The following BAIAP3 variants were observed in gnomAD, a reference collection of about 807,000 sequenced individuals.
BAIAP3 encodes the protein BAI1-associated protein 3.
Under a neutral mutation model 149.7 loss-of-function variants are expected in BAIAP3, and 180 were observed. That is an observed-to-expected ratio of 1.20 (90% CI 1.07 to 1.36). The LOEUF (loss-of-function observed/expected upper bound fraction) is 1.36, where lower values mean the gene tolerates loss of function less well. Among genes scored for constraint, BAIAP3 ranks in the 40% most tolerant of loss-of-function variants. BAIAP3 has a pLI of 0.00. For missense variants in BAIAP3, 1,767 were observed against 1,563.4 expected (o/e 1.13, Z -2.20); for synonymous variants, 845 against 670.7 (o/e 1.26, Z -4.02).
chr16:1,345,981 C>T lies in BAIAP3; in HGVS notation c.2209-5C>T, dbSNP rs746000979. ...CATGGCTCCCCACCGCCATCCCCTC[C>T]TCAGGACGTGTGTGAGGCCACCCTC... is the stretch of plus-strand genomic sequence containing the variant. On this transcript the variant is annotated splice_region_variant and splice_polypyrimidine_tract_variant and intron_variant, in intron 23 of 33. Transcript: ENST00000426824. 1.5e-5 allele frequency: 24 copies of T among 1,603,854 alleles called. No homozygotes were observed. The highest frequency in any genetic ancestry group is 4.0e-5 in the African/African-American group (3 of 74,800).
At chr16:1,343,161 T>C (rs2034047518) in intron 14 of BAIAP3, 145 bp downstream of exon 14, 2 of 1,105,874 alleles carry the variant, frequency 1.8e-6, no homozygotes, top group Admixed American at 2.2e-5. Context: ...GCTGCGCTGA[T>C]TGGGCGGGAA....
rs2034235431 is a variant in BAIAP3 at position 1,345,248 on chromosome 16, G to A, written c.1941-1G>A. The A allele has an allele frequency of 6.2e-7, 1 of 1,612,624 alleles. No individual in the cohort carries two copies. The highest frequency in any genetic ancestry group is 1.3e-5 in the African/African-American group (1 of 74,870). Reference sequence around the variant, plus strand: ...GAGCCCTCACAACCCTCCCACCACAGGGACAGCCGCTCTCTGGCCCTGGCT... The same window carrying A: ...GAGCCCTCACAACCCTCCCACCACAAGGACAGCCGCTCTCTGGCCCTGGCT... On this transcript the variant is annotated splice_acceptor_variant, in intron 21 of 33. Transcript: ENST00000426824. LOFTEE classifies it high-confidence loss of function.
chr16:1,347,156 T>C (rs1194017115), intron 28 of BAIAP3, 142 bp from the exon 29 acceptor site: 1 of 965,664 alleles, frequency 1.0e-6, no homozygotes, highest in African/African-American at 1.7e-5. Flanking sequence ...GAGCTTCCGA[T>C]GCCCGCCAGG....
In BAIAP3 at chr16:1,348,802, C is replaced by CA; in HGVS notation, c.*320_*321insA. On this transcript the variant is annotated 3_prime_UTR_variant, in exon 34 of 34. Coordinates refer to ENST00000426824, the MANE Select transcript of BAIAP3 (RefSeq NM_001199097.2). ...TGCCCGCTTCCTTGGGCTCCCCGGC[C>CA]CTGGGTGGGCGGTGGGCAGCTGGTC... is the stretch of plus-strand genomic sequence containing the variant. The CA allele has an allele frequency of 2.1e-6, 1 of 481,658 alleles. No homozygotes were observed. Among genetic ancestry groups the CA allele is most frequent in the South Asian group, 2.5e-5 (1 of 39,560 alleles). The allele number at this position is 481,658 out of a possible 1,614,324, so 29.8% of individuals were successfully genotyped here. A position where few individuals can be genotyped will look rare whatever the true frequency, so the allele number is the denominator to read the frequency against.
chr16:1,346,427 T>C lies in BAIAP3; in HGVS notation c.2494-15T>C. 3 of 1,612,278 alleles carry C rather than the reference T, an allele frequency of 1.9e-6. No homozygotes were observed. Among genetic ancestry groups the C allele is most frequent in the Non-Finnish European group, 2.5e-6 (3 of 1,179,684 alleles). On this transcript the variant is annotated splice_polypyrimidine_tract_variant and intron_variant, in intron 25 of 33. Coordinates refer to ENST00000426824, the MANE Select transcript of BAIAP3 (RefSeq NM_001199097.2). ...GGTGCCCCCTGCCCGTGCTGAGCAC[T>C]GCTCCTGCCCTCAGATGGTGGGCGA... is the stretch of plus-strand genomic sequence containing the variant.
At chr16:1,341,516 G>A in intron 8 of BAIAP3, 27 bp downstream of exon 8, 2 of 1,591,608 alleles carry the variant, frequency 1.3e-6, no homozygotes, top group Non-Finnish European at 1.7e-6. Flanking sequence ...TCTGGGTGCG[G>A]GAGGGGGGCT....
intron 11 of BAIAP3, 74 bp from the exon 12 acceptor site, chr16:1,342,453 C>T (rs2033991210): frequency 3.4e-6 from 5 of 1,450,076 alleles, no homozygotes; most frequent in African/African-American, 1.4e-5. Context: ...TGTGGTCTCT[C>T]CAGGGTCTCA....
intron 10 of BAIAP3, 54 bp downstream of exon 10, chr16:1,342,117 G>C: frequency 6.4e-7 from 1 of 1,567,694 alleles, no homozygotes; most frequent in Non-Finnish European, 8.7e-7. Flanking sequence ...CTTGGTCATG[G>C]GGCCCGGCGG....
chr16:1,347,295 C>G lies in BAIAP3; in HGVS notation c.2752-3C>G. The G allele has an allele frequency of 6.2e-7, 1 of 1,613,044 alleles. No individual in the cohort carries two copies. Among genetic ancestry groups the G allele is most frequent in the Non-Finnish European group, 8.5e-7 (1 of 1,179,844 alleles). On this transcript the variant is annotated splice_region_variant and splice_polypyrimidine_tract_variant and intron_variant, in intron 28 of 33. Transcript: ENST00000426824. ...ACACCTCTGCCTTCTTTCCCTGCCC[C>G]AGGCCCTGGTCAGTTTTTTCCACGC...
At chr16:1,344,404 G>T in intron 17 of BAIAP3, 65 bp from the exon 18 acceptor site, 1 of 1,610,562 alleles carries the variant, frequency 6.2e-7, no homozygotes. Context: ...CTGCACCACG[G>T]TCTCTTGCCC....
At position 1,344,528 on chromosome 16, in the gene BAIAP3, G is replaced by A. The variant is rs550590270; in HGVS notation, c.1659+3G>A. On this transcript the variant is annotated splice_donor_region_variant and intron_variant, in intron 18 of 33. Coordinates refer to ENST00000426824, the MANE Select transcript of BAIAP3 (RefSeq NM_001199097.2). ...ATGACAAGAGTCCCCGAGAGCAGGTGCAGTTGTGGGGGACCCTGGCCATGA... is the reference window on the plus strand; with the variant it reads ...ATGACAAGAGTCCCCGAGAGCAGGTACAGTTGTGGGGGACCCTGGCCATGA... 6.2e-7 allele frequency: 1 copy of A among 1,612,948 alleles called. No homozygotes were observed. The highest frequency in any genetic ancestry group is 8.5e-7 in the Non-Finnish European group (1 of 1,179,946).
chr16:1,340,347 C>T (rs2033829527), intron 5 of BAIAP3, among the ~76,000 whole-genome samples: 1 of 147,192 alleles, frequency 6.8e-6, no homozygotes, highest in Admixed American at 6.8e-5. Context: ...CACACAGACA[C>T]ACGCACACAG....
chr16:1,344,585 C>T lies in BAIAP3; in HGVS notation c.1660-16C>T. ...CGGGCAGCCGAGAGGTGGGTACGAGCTAGGCTTCCTTGCAGCCAGGACCAC... is the reference window on the plus strand; with the variant it reads ...CGGGCAGCCGAGAGGTGGGTACGAGTTAGGCTTCCTTGCAGCCAGGACCAC... On this transcript the variant is annotated splice_polypyrimidine_tract_variant and intron_variant, in intron 18 of 33. Coordinates refer to ENST00000426824, the MANE Select transcript of BAIAP3 (RefSeq NM_001199097.2). 1 of 1,612,826 alleles carries T rather than the reference C, an allele frequency of 6.2e-7. No homozygotes were observed. The highest frequency in any genetic ancestry group is 1.3e-5 in the African/African-American group (1 of 75,044).
intron 5 of BAIAP3, among the ~76,000 whole-genome samples, chr16:1,340,188 GA>G (rs2033808445): frequency 1.4e-5 from 1 of 72,842 alleles, no homozygotes; most frequent in African/African-American, 6.2e-5. Context: ...GGTGCACACA[GA>G]CACACGCACA....
At position 1,345,705 on chromosome 16, in the gene BAIAP3, C is replaced by A. The variant is rs1240032703; in HGVS notation, c.2065-42C>A. ...CCCGCCTCCCCCACCTCCCCAGCCT[C>A]CCCTGCCTCCCCAGCAAACCCAGCC... On this transcript the variant is annotated intron_variant, in intron 22 of 33. Coordinates refer to ENST00000426824, the MANE Select transcript of BAIAP3 (RefSeq NM_001199097.2). 1.0e-5 allele frequency: 14 copies of A among 1,394,272 alleles called. No homozygotes were observed. In the East Asian group the frequency reaches 3.7e-4, roughly 36 times the overall value. 86.4% of individuals were successfully genotyped at this position (1,394,272 alleles called of 1,614,324 possible).
chr16:1,339,035 G>A, intron 3 of BAIAP3, 46 bp downstream of exon 3: 3 of 1,607,826 alleles, frequency 1.9e-6, no homozygotes, highest in Non-Finnish European at 2.5e-6. Context: ...CCAGCATGGG[G>A]CTCCCCCTTT....
chr16:1,344,069 G>A lies in BAIAP3; in HGVS notation c.1434G>A (p.Leu478=), dbSNP rs543971773. ...TTTCCGCCTTCTCTGAGTTCGGGCT[G>A]CAGCTGCTGCGCCAGCTCCGAGACT... ...DSLSAFSEFG[L]QLLRQLRDYF... Residue 478 remains leucine (L), a synonymous_variant, in exon 16 of 34, where the codon CTG becomes CTA. Coordinates refer to ENST00000426824, the MANE Select transcript of BAIAP3 (RefSeq NM_001199097.2). The A allele has an allele frequency of 8.1e-6, 13 of 1,612,338 alleles. No homozygotes were observed. Among genetic ancestry groups the A allele is most frequent in the Admixed American group, 1.7e-5 (1 of 60,020 alleles).
Position 1,338,636 on chromosome 16 carries a change from A to T in BAIAP3, c.87A>T (p.Pro29=). The T allele has an allele frequency of 6.3e-7, 1 of 1,598,426 alleles. No homozygotes were observed. The highest frequency in any genetic ancestry group is 1.1e-5 in the South Asian group (1 of 89,020). Residue 29 remains proline (P), a synonymous_variant, in exon 2 of 34, where the codon CCA becomes CCT. Transcript: ENST00000426824. ...PSFRRRTEQD[P]GSASADPQEP... ...TCCGCCGCAGGACTGAGCAGGACCCAGGGAGTGCCAGCGCCGACCCGCAGG... is the reference window on the plus strand; with the variant it reads ...TCCGCCGCAGGACTGAGCAGGACCCTGGGAGTGCCAGCGCCGACCCGCAGG...
rs1160976977 is a variant in BAIAP3 at position 1,346,030 on chromosome 16, G to A, written c.2253G>A (p.Lys751=). ...ATLFYTELLR[K]KVDTQPGAAG... ...TCTTCTATACGGAGCTGCTTCGGAA[G>A]AAGGTGGACACTCAGCCAGGGGCGG... Residue 751 remains lysine, a synonymous_variant, in exon 24 of 34, where the codon AAG becomes AAA. Transcript: ENST00000426824. The A allele has an allele frequency of 1.7e-5, 28 of 1,611,676 alleles. No homozygotes were observed. Among genetic ancestry groups the A allele is most frequent in the Non-Finnish European group, 2.2e-5 (26 of 1,179,616 alleles).
Sources: allele counts gnomAD v4.1 joint callset (sites outside exome capture counted in the v4.1 genomes callset), GRCh38; gene constraint gnomAD v4.1.1; transcripts MANE v1.5; gene names NCBI Gene and HGNC (gene_info 2026-07-23, HGNC 2026-07-21).